The following CACNA1C variants were observed in gnomAD, a reference collection of about 807,000 sequenced individuals.
CACNA1C encodes the protein calcium voltage-gated channel subunit alpha1 C.
A neutral mutation model predicts 229.0 loss-of-function variants in CACNA1C; 30 were observed. The observed-to-expected ratio is 0.13, with a 90% CI of 0.10 to 0.18. The LOEUF is 0.18. CACNA1C is among the 10% of genes least tolerant of loss of function. CACNA1C has a pLI of 1.00. For synonymous variants in CACNA1C, 1,114 were observed against 1,132.5 expected, an observed-to-expected ratio of 0.98 and a Z score of 0.33; for missense variants, 1,658 against 2,845.0, an observed-to-expected ratio of 0.58 and a Z score of 9.49.
intron 42 of CACNA1C, chr12:2,681,977 T>C: frequency 3.1e-6 from 5 of 1,610,588 alleles, no homozygotes; most frequent in Non-Finnish European, 4.2e-6. Context: ...TGTGTGAGGA[T>C]CTGGAGCTCA....
At chr12:2,120,480 C>A in intron 3 of CACNA1C, 50 bp downstream of exon 3, 1 of 1,014,410 alleles carries the variant, frequency 9.9e-7, no homozygotes. Flanking sequence ...TGGAGAACTG[C>A]GTTCAGATCA....
At chr12:2,399,263 C>T (rs1451605313) in intron 3 of CACNA1C, among the ~76,000 whole-genome samples, 1 of 152,192 alleles carries the variant, frequency 6.6e-6, no homozygotes, top group Non-Finnish European at 1.5e-5. Flanking sequence ...TAGTATTTTC[C>T]ATCCGTGGAT....
Position 2,191,265 on chromosome 12 carries a change from A to G in CACNA1C, c.477+70835A>G, listed in dbSNP as rs568824611. On this transcript the variant is annotated intron_variant, in intron 3 of 46. Transcript: ENST00000399655. ...GGAAAAGGCCTGGATGTGTCTTCAG[A>G]TAGAGACAGACTGAAGCGCCGGCCC... Among the ~76,000 whole-genome samples, 18 of 152,280 alleles carry G rather than the reference A, an allele frequency of 1.2e-4. No homozygotes were observed. The South Asian group carries it at 3.7e-3, about 32-fold the overall frequency.
At chr12:2,095,042 G>A (rs2238026) in intron 1 of CACNA1C, among the ~76,000 whole-genome samples, 4,744 of 152,282 alleles carry the variant, frequency 0.031, 221 homozygotes, top group East Asian at 0.1. Flanking sequence ...TCTCAGAAAC[G>A]TAAATAAGTT....
At chr12:2,545,410 A>T (rs147183724) in intron 9 of CACNA1C, among the ~76,000 whole-genome samples, 1 of 152,022 alleles carries the variant, frequency 6.6e-6, no homozygotes. Flanking sequence ...GCCTGCCATT[A>T]TGCTCCTCAT....
At chr12:2,201,526 C>T (rs768873045) in intron 3 of CACNA1C, among the ~76,000 whole-genome samples, 1 of 152,238 alleles carries the variant, frequency 6.6e-6, no homozygotes, top group Non-Finnish European at 1.5e-5. Context: ...CTGGAAATGT[C>T]TTCCCTTAGG....
At chr12:2,477,966 A>G (rs528899224) in intron 5 of CACNA1C, among the ~76,000 whole-genome samples, 3 of 152,190 alleles carry the variant, frequency 2.0e-5, no homozygotes, top group African/African-American at 7.2e-5. Flanking sequence ...AGAAGAGAGG[A>G]CAAAGAAAAT....
rs539657109 is a variant in CACNA1C, at chr12:2,434,302, C to T, written c.478-14674C>T. ...TCATATCTGAAGTGAGCTTCTCAGA[C>T]ACCCTGGAATTCTAGAACCACTAGG... On this transcript the variant is annotated intron_variant, in intron 3 of 46. Coordinates refer to ENST00000399655, the MANE Select transcript of CACNA1C (RefSeq NM_000719.7). Among the ~76,000 whole-genome samples the T allele has an allele frequency of 4.6e-5, 7 of 152,344 alleles. No individual in the cohort carries two copies. In the South Asian group the frequency reaches 1.5e-3, roughly 32 times the overall value.
At chr12:2,003,282 C>G (rs2042609708) in intron 1 of CACNA1C, among the ~76,000 whole-genome samples, 1 of 152,138 alleles carries the variant, frequency 6.6e-6, no homozygotes, top group African/African-American at 2.4e-5. Flanking sequence ...GGATGTTTTC[C>G]TAGATTAAGT....
chr12:2,543,950 G>A lies in CACNA1C; in HGVS notation c.1391-5993G>A, dbSNP rs1413569203. Among the ~76,000 whole-genome samples, 5 of 152,146 alleles carry A rather than the reference G, an allele frequency of 3.3e-5. No individual in the cohort carries two copies. The East Asian group carries it at 9.6e-4, about 29-fold the overall frequency. ...AGCAGGGCTCTCATCCCCTCAGACA[G>A]CCACCACACAGATAGAAACTTGGTG... On this transcript the variant is annotated intron_variant, in intron 9 of 46. Coordinates refer to ENST00000399655, the MANE Select transcript of CACNA1C (RefSeq NM_000719.7).
intron 3 of CACNA1C, among the ~76,000 whole-genome samples, chr12:2,433,862 A>G (rs1244836096): frequency 1.3e-5 from 2 of 152,180 alleles, no homozygotes; most frequent in Admixed American, 6.5e-5. Flanking sequence ...GGCCCTTCGC[A>G]TGGCTGGGGA....
intron 1 of CACNA1C, among the ~76,000 whole-genome samples, chr12:1,989,122 G>A (rs1319741242): frequency 6.6e-6 from 1 of 152,192 alleles, no homozygotes; most frequent in Non-Finnish European, 1.5e-5. Context: ...GGTGGCTCCC[G>A]CCTGTAATGC....
At chr12:1,987,979 T>A (rs1467690928) in intron 1 of CACNA1C, among the ~76,000 whole-genome samples, 1 of 152,204 alleles carries the variant, frequency 6.6e-6, no homozygotes, top group Non-Finnish European at 1.5e-5. Context: ...TTGTAAATTT[T>A]TTCTTGGATA....
intron 3 of CACNA1C, among the ~76,000 whole-genome samples, chr12:2,184,129 A>C (rs2096926828): frequency 6.6e-6 from 1 of 152,164 alleles, no homozygotes; most frequent in Admixed American, 6.5e-5. Flanking sequence ...GCAAGCAGGC[A>C]CCAGAGCTGG....
At chr12:2,650,931 A>C (rs1311738805) in intron 31 of CACNA1C, 2 of 152,548 alleles carry the variant, frequency 1.3e-5, no homozygotes, top group African/African-American at 4.8e-5. Context: ...TAGAGGCCCC[A>C]GGGCAGAGGG....
chr12:2,204,113 G>A (rs2097682533), intron 3 of CACNA1C, among the ~76,000 whole-genome samples: 1 of 152,044 alleles, frequency 6.6e-6, no homozygotes, highest in Admixed American at 6.5e-5. Flanking sequence ...TCCAGCACCT[G>A]TTGTTTCCTG....
intron 13 of CACNA1C, among the ~76,000 whole-genome samples, chr12:2,580,158 A>G (rs185948398): frequency 1.3e-5 from 2 of 152,370 alleles, no homozygotes; most frequent in Non-Finnish European, 2.9e-5. Context: ...TGGTGAGACA[A>G]GACTGTATAG....
chr12:2,639,156 G>A lies in CACNA1C; in HGVS notation c.3912+4776G>A, dbSNP rs796437319. On this transcript the variant is annotated intron_variant, in intron 30 of 46. Coordinates refer to ENST00000399655, the MANE Select transcript of CACNA1C (RefSeq NM_000719.7). This position sits in a 1 kb window ranked among gnomAD's most constrained non-coding sequence, Gnocchi z 4.2. ...CCTCAGTATCTGAGCCATGGGCCCCGGCCCTTCTCCTGCCAATGCATCACC... is the reference window on the plus strand; with the variant it reads ...CCTCAGTATCTGAGCCATGGGCCCCAGCCCTTCTCCTGCCAATGCATCACC... Among the ~76,000 whole-genome samples, 32 of 152,324 alleles carry A rather than the reference G, an allele frequency of 2.1e-4. No individual in the cohort carries two copies. The highest frequency in any genetic ancestry group is 1.9e-3 in the Admixed American group (29 of 15,300).
intron 3 of CACNA1C, among the ~76,000 whole-genome samples, chr12:2,226,143 A>G (rs985269211): frequency 1.3e-5 from 2 of 151,196 alleles, no homozygotes; most frequent in African/African-American, 4.8e-5. Flanking sequence ...ACACACACAC[A>G]CACACACACA....
Sources: allele counts gnomAD v4.1 joint callset (sites outside exome capture counted in the v4.1 genomes callset), GRCh38; gene constraint gnomAD v4.1.1; non-coding constraint Gnocchi (gnomAD v3.1); transcripts MANE v1.5; gene names NCBI Gene and HGNC (gene_info 2026-07-23, HGNC 2026-07-21).